Variants in FSIP1 observed in about 807,000 individuals in gnomAD.
FSIP1 encodes fibrous sheath-interacting protein 1.
In FSIP1, 65 loss-of-function variants were observed where a neutral mutation model predicts 60.9. The ratio of observed to expected loss-of-function variants is 1.07; its 90% CI spans 0.87 to 1.31. The LOEUF (loss-of-function observed/expected upper bound fraction) is 1.31, where lower values mean the gene tolerates loss of function less well. FSIP1 is among the 40% of genes most tolerant of loss of function. The probability of loss-of-function intolerance (pLI) is 0.00; values close to 1 mark genes in which losing one functional copy is unlikely to be tolerated. For missense variants in FSIP1, 675 were observed against 665.5 expected (o/e 1.01, Z -0.16); for synonymous variants, 209 against 221.2 (o/e 0.94, Z 0.49).
At chr15:39,668,750 C>T (rs1893601232) in intron 10 of FSIP1, among the ~76,000 whole-genome samples, 1 of 152,142 alleles carries the variant, frequency 6.6e-6, no homozygotes, top group African/African-American at 2.4e-5. Context: ...TGCTTGCTTA[C>T]CACACTAGTT....
intron 4 of FSIP1, 121 bp downstream of exon 4, chr15:39,765,471 T>C (rs988380640): frequency 7.7e-6 from 5 of 645,338 alleles, no homozygotes; most frequent in African/African-American, 7.5e-5. Context: ...CTCAAACTCC[T>C]GGCCTCAAGC....
At chr15:39,635,313 G>A (rs556165065) in intron 10 of FSIP1, among the ~76,000 whole-genome samples, 9 of 150,856 alleles carry the variant, frequency 6.0e-5, no homozygotes, top group East Asian at 2.0e-4. Flanking sequence ...CCATCCTGGC[G>A]ACAGAGAGAG....
intron 9 of FSIP1, among the ~76,000 whole-genome samples, chr15:39,715,212 G>A (rs1273502842): frequency 2.0e-5 from 3 of 151,990 alleles, no homozygotes; most frequent in Non-Finnish European, 4.4e-5. Flanking sequence ...AGACTCAAAT[G>A]TGCAGCAATA....
At chr15:39,642,866 A>C (rs1337013149) in intron 10 of FSIP1, among the ~76,000 whole-genome samples, 2 of 152,196 alleles carry the variant, frequency 1.3e-5, no homozygotes, top group African/African-American at 4.8e-5. Context: ...CATTGTGTTC[A>C]TCCACCATCA....
chr15:39,765,031 G>A (rs1437038688), intron 4 of FSIP1, among the ~76,000 whole-genome samples: 1 of 152,092 alleles, frequency 6.6e-6, no homozygotes, highest in Non-Finnish European at 1.5e-5. Flanking sequence ...CCTGTCCCTG[G>A]GGAGATGAAC....
At chr15:39,648,458 T>A (rs141082047) in intron 10 of FSIP1, among the ~76,000 whole-genome samples, 1 of 152,156 alleles carries the variant, frequency 6.6e-6, no homozygotes, top group Non-Finnish European at 1.5e-5. Flanking sequence ...GCATCGTAAG[T>A]TCTTAAAAGT....
At chr15:39,773,201 AAACT>A (rs549462050) in intron 2 of FSIP1, among the ~76,000 whole-genome samples, 1 of 152,244 alleles carries the variant, frequency 6.6e-6, no homozygotes, top group African/African-American at 2.4e-5. Flanking sequence ...CTGAGCAATA[AAACT>A]AACTAGCACA....
intron 5 of FSIP1, among the ~76,000 whole-genome samples, chr15:39,744,904 C>T (rs1360827083): frequency 1.3e-5 from 2 of 151,926 alleles, no homozygotes; most frequent in East Asian, 3.9e-4. Context: ...GAGGGGGTGG[C>T]ATAGAGCCTT....
chr15:39,778,816 T>C (rs1281338582), intron 1 of FSIP1, among the ~76,000 whole-genome samples: 1 of 152,048 alleles, frequency 6.6e-6, no homozygotes. Context: ...TTAAACATAA[T>C]ACTTTAATAA....
intron 10 of FSIP1, among the ~76,000 whole-genome samples, chr15:39,622,165 TCTGTTC>T (rs1891463672): frequency 6.7e-6 from 1 of 148,848 alleles, no homozygotes; most frequent in Admixed American, 6.7e-5. Flanking sequence ...CAAGTAACCA[TCTGTTC>T]AAGTATTCAC....
chr15:39,722,844 CACTTGGG>C (rs1896036480), intron 9 of FSIP1, among the ~76,000 whole-genome samples: 1 of 152,014 alleles, frequency 6.6e-6, no homozygotes, highest in Admixed American at 6.6e-5. Flanking sequence ...GTTGGAGGAT[CACTTGGG>C]CCCAGGAGGT....
intron 1 of FSIP1, 64 bp from the exon 2 acceptor site, chr15:39,776,595 G>T: frequency 7.3e-7 from 1 of 1,368,154 alleles, no homozygotes; most frequent in East Asian, 2.3e-5. Context: ...TCATTAGTTA[G>T]TATTAATATC....
At chr15:39,717,444 G>A (rs1895785521) in intron 9 of FSIP1, among the ~76,000 whole-genome samples, 1 of 152,118 alleles carries the variant, frequency 6.6e-6, no homozygotes, top group South Asian at 2.1e-4. Flanking sequence ...CACAGTTTGG[G>A]CAGTGATGTA....
At chr15:39,718,154 C>T (rs565434087) in intron 9 of FSIP1, among the ~76,000 whole-genome samples, 154 of 152,094 alleles carry the variant, frequency 1.0e-3, no homozygotes, top group Non-Finnish European at 1.2e-3. Context: ...TAATTATCTT[C>T]GAAATCCAAG....
At chr15:39,732,582 G>A (rs1445650595) in intron 8 of FSIP1, among the ~76,000 whole-genome samples, 1 of 135,892 alleles carries the variant, frequency 7.4e-6, no homozygotes, top group South Asian at 2.2e-4. Context: ...TCGTGCCATT[G>A]CACTCCAGTG....
chr15:39,720,833 C>A (rs1365333878), intron 9 of FSIP1, among the ~76,000 whole-genome samples: 2 of 152,126 alleles, frequency 1.3e-5, no homozygotes, highest in Admixed American at 1.3e-4. Context: ...CACAGTTAAA[C>A]CACAGATCTT....
chr15:39,736,556 G>A (rs1896616544), intron 8 of FSIP1, among the ~76,000 whole-genome samples: 1 of 152,188 alleles, frequency 6.6e-6, no homozygotes, highest in Non-Finnish European at 1.5e-5. Flanking sequence ...GCCTGGCCTG[G>A]GATTTCCATG....
intron 5 of FSIP1, among the ~76,000 whole-genome samples, chr15:39,756,165 T>C (rs1432066368): frequency 1.3e-5 from 2 of 152,186 alleles, no homozygotes; most frequent in African/African-American, 2.4e-5. Context: ...GTTTTCAACT[T>C]TCTCTTGGAG....
At chr15:39,738,011 AT>A (rs1458315838) in intron 8 of FSIP1, 79 bp downstream of exon 8, 5 of 829,470 alleles carry the variant, frequency 6.0e-6, no homozygotes, top group Non-Finnish European at 9.1e-6. Flanking sequence ...ATTATTGTAA[AT>A]TTATGATACT....
Sources: gnomAD v4.1 joint callset for allele counts (sites outside exome capture counted in the v4.1 genomes callset) on GRCh38, gnomAD v4.1.1 for gene constraint, MANE v1.5 for transcripts, NCBI Gene and HGNC (gene_info 2026-07-23, HGNC 2026-07-21) for gene names.